Variants in SGSH observed in about 807,000 individuals in gnomAD.
SGSH encodes the protein N-sulfoglucosamine sulfohydrolase, also known as heparan sulfate sulfatase.
In SGSH, 48 loss-of-function variants were observed where a neutral mutation model predicts 51.0. The ratio of observed to expected loss-of-function variants is 0.94; its 90% CI spans 0.75 to 1.20. The LOEUF (loss-of-function observed/expected upper bound fraction) is 1.20. SGSH is among the 50% of genes most tolerant of loss of function. The pLI is 0.00. For synonymous variants in SGSH, 321 were observed against 313.4 expected (o/e 1.02, Z -0.26); for missense variants, 662 against 717.8 (o/e 0.92, Z 0.89).
At chr17:80,203,798 C>G (rs1207530704), downstream of SGSH, 2 of 1,553,454 alleles carry the variant, frequency 1.3e-6, no homozygotes, top group Non-Finnish European at 1.7e-6. The surrounding 1 kb of genome is among the most constrained non-coding windows in gnomAD (Gnocchi z 4.6). Context: ...GCAGCTGGGT[C>G]AGGGCCTCTG....
intron 2 of SGSH, chr17:80,216,654 G>A: frequency 3.7e-6 from 1 of 270,176 alleles, no homozygotes; most frequent in South Asian, 6.0e-5. Context: ...CTGGGACACT[G>A]TGGCCATGGC....
At position 80,209,553 on chromosome 17, in the gene SGSH, G is replaced by T; in HGVS notation, c.*899C>A. 1.0e-6 allele frequency: 1 copy of T among 985,220 alleles called. No individual in the cohort carries two copies. The highest frequency in any genetic ancestry group is 1.7e-5 in the African/African-American group (1 of 57,180). The allele number at this position is 985,220 out of a possible 1,614,324, so 61.0% of individuals were successfully genotyped here. ...ATCCAAGAATTAACCCAAGCCAGAG[G>T]ACGGGCATCGCCACCCAGCAACGCC... is the stretch of plus-strand genomic sequence containing the variant. On this transcript the variant is annotated 3_prime_UTR_variant, in exon 8 of 8. Coordinates refer to ENST00000326317, the MANE Select transcript of SGSH (RefSeq NM_000199.5).
downstream of SGSH, chr17:80,205,189 T>G: frequency 6.2e-7 from 1 of 1,613,032 alleles, no homozygotes; most frequent in East Asian, 2.2e-5. Context: ...TCCAAGGGTT[T>G]AAGAAGTGCC....
At chr17:80,214,817 C>G (rs776608967) in intron 3 of SGSH, 52 bp from the exon 4 acceptor site, 23 of 1,594,374 alleles carry the variant, frequency 1.4e-5, no homozygotes, top group Non-Finnish European at 1.9e-5. Flanking sequence ...CCAACCCTTT[C>G]TGCTCCCTTC....
chr17:80,203,865 C>T (rs2041125003), downstream of SGSH: 2 of 1,596,868 alleles, frequency 1.3e-6, no homozygotes, highest in East Asian at 2.3e-5. The surrounding 1 kb of genome is among the most constrained non-coding windows in gnomAD (Gnocchi z 4.6). Context: ...CATGACTCAG[C>T]AGTGCACCGT....
At chr17:80,214,834 C>A in intron 3 of SGSH, 69 bp from the exon 4 acceptor site, 1 of 1,564,086 alleles carries the variant, frequency 6.4e-7, no homozygotes, top group Non-Finnish European at 8.7e-7. Flanking sequence ...CTTCTCTGCC[C>A]CTCTCGGCCC....
At chr17:80,206,304 A>T (rs999215306), downstream of SGSH, among the ~76,000 whole-genome samples, 12 of 152,212 alleles carry the variant, frequency 7.9e-5, no homozygotes, top group African/African-American at 2.9e-4. Flanking sequence ...TCTCTAAAAA[A>T]AATTAAAAAA....
Position 80,213,473 on chromosome 17 carries a change from C to A in SGSH, c.745+331G>T, listed in dbSNP as rs1430578699. ...CCATCAACCACAAAAAACTCACAGA[C>A]CTCAAGATCTCCATCTGCATATGCT... is the stretch of plus-strand genomic sequence containing the variant. On this transcript the variant is annotated intron_variant, in intron 6 of 7. Transcript: ENST00000326317. This position sits in a 1 kb window ranked among gnomAD's most constrained non-coding sequence, Gnocchi z 4.6. 1.7e-5 allele frequency: 7 copies of A among 408,758 alleles called. No individual in the cohort carries two copies. Among genetic ancestry groups the A allele is most frequent in the Non-Finnish European group, 3.1e-5 (7 of 223,894 alleles). 25.3% of individuals were successfully genotyped at this position (408,758 alleles called of 1,614,324 possible).
rs780812356 is a variant in SGSH, at chr17:80,212,214, A to T, written c.806T>A (p.Ile269Asn). ...GGGGATCCCGTTGTCGGACGTGAAGATCACCAGTGTGTCGTTCAGGACACC... is the reference window on the plus strand; with the variant it reads ...GGGGATCCCGTTGTCGGACGTGAAGTTCACCAGTGTGTCGTTCAGGACACC... ...DAGVLNDTLV[I>N]FTSDNGIPFP... The change falls in exon 7 of 8, where the codon ATC (isoleucine) becomes AAC (asparagine). Residue 269 changes from isoleucine (I) to asparagine (N), a missense_variant. By Grantham distance (149) the Ile-to-Asn change is moderately radical (BLOSUM62 -3). Transcript: ENST00000326317. This position sits in a 1 kb window ranked among gnomAD's most constrained non-coding sequence, Gnocchi z 5.9. 1 of 1,613,352 alleles carries T rather than the reference A, an allele frequency of 6.2e-7. No individual in the cohort carries two copies. Among genetic ancestry groups the T allele is most frequent in the Non-Finnish European group, 8.5e-7 (1 of 1,179,998 alleles).
intron 1 of SGSH, among the ~76,000 whole-genome samples, chr17:80,218,176 A>G (rs891398047): frequency 6.6e-6 from 1 of 152,378 alleles, no homozygotes; most frequent in Non-Finnish European, 1.5e-5. Context: ...CGGAAACCGC[A>G]TGGGGCAGAG....
chr17:80,207,129 C>T (rs1353836052), downstream of SGSH: 4 of 1,433,896 alleles, frequency 2.8e-6, no homozygotes, highest in African/African-American at 5.6e-5. Flanking sequence ...GAAGCGGCTC[C>T]TGGGCTCCCC....
chr17:80,201,261 G>A, the SGSH span: 1 of 163,166 alleles, frequency 6.1e-6, no homozygotes, highest in Non-Finnish European at 1.4e-5. This position sits in a 1 kb window ranked among gnomAD's most constrained non-coding sequence, Gnocchi z 5.0. Flanking sequence ...GAAGCCCTGG[G>A]GGGTGGGCCT....
At chr17:80,218,651 G>A (rs1012217878) in intron 1 of SGSH, among the ~76,000 whole-genome samples, 4 of 152,180 alleles carry the variant, frequency 2.6e-5, no homozygotes, top group East Asian at 1.9e-4. Flanking sequence ...GCTGTGCTCC[G>A]TACCCGCAGG....
downstream of SGSH, chr17:80,205,580 C>T (rs1350847074): frequency 1.0e-5 from 16 of 1,575,378 alleles, no homozygotes; most frequent in Admixed American, 1.8e-5. Context: ...GAGGGGACAT[C>T]ATCCAGGAGG....
rs1470656628 is a variant in SGSH at position 80,210,324 on chromosome 17, AC to A, written c.*127del. On this transcript the variant is annotated 3_prime_UTR_variant, in exon 8 of 8. Coordinates refer to ENST00000326317, the MANE Select transcript of SGSH (RefSeq NM_000199.5). ...AAGAGTGACCCCACAGGAAGGAAGA[AC>A]CCTCCTTGGATGGGAGTGTGGACGG... 14 of 1,442,500 alleles carry A rather than the reference AC, an allele frequency of 9.7e-6. No homozygotes were observed. In the East Asian group the frequency reaches 1.0e-4, roughly 10 times the overall value. 89.4% of individuals were successfully genotyped at this position (1,442,500 alleles called of 1,614,324 possible). A position where few individuals can be genotyped will look rare whatever the true frequency, so the allele number is the denominator to read the frequency against.
intron 7 of SGSH, chr17:80,211,856 G>T: frequency 1.7e-6 from 1 of 605,154 alleles, no homozygotes; most frequent in Non-Finnish European, 3.0e-6. Flanking sequence ...GAGAATCCTA[G>T]CTTAGTGCTT....
chr17:80,212,248 G>T lies in SGSH; in HGVS notation c.772C>A (p.Arg258Ser), dbSNP rs1314742501. Residue 258 changes from arginine (R) to serine (S), a missense_variant, in exon 7 of 8, where the codon CGT (arginine) becomes AGT (serine). Physicochemically the swap from Arg to Ser is moderately radical, Grantham distance 110. Transcript: ENST00000326317. The surrounding 1 kb of genome is among the most constrained non-coding windows in gnomAD (Gnocchi z 5.9). ...GTGTCGTTCAGGACACCGGCGTCAC[G>T]CAGCTCCTGGAGCACCAGTCCAACT... ...QGVGLVLQELRDAGVLNDTLV... is the reference protein window; with the variant it reads ...QGVGLVLQELSDAGVLNDTLV... 1 of 1,611,196 alleles carries T rather than the reference G, an allele frequency of 6.2e-7. No homozygotes were observed. Among genetic ancestry groups the T allele is most frequent in the Non-Finnish European group, 8.5e-7 (1 of 1,179,072 alleles).
At chr17:80,206,374 G>C (rs2041308284), downstream of SGSH, among the ~76,000 whole-genome samples, 1 of 152,258 alleles carries the variant, frequency 6.6e-6, no homozygotes, top group Non-Finnish European at 1.5e-5. Flanking sequence ...CACACTTTGG[G>C]AGGCCTAGGC....
At position 80,215,077 on chromosome 17, in the gene SGSH, A is replaced by G. The variant is rs957036202; in HGVS notation, c.311T>C (p.Val104Ala). 1 of 1,612,216 alleles carries G rather than the reference A, an allele frequency of 6.2e-7. No homozygotes were observed. Among genetic ancestry groups the G allele is most frequent in the Admixed American group, 1.7e-5 (1 of 60,010 alleles). The change falls in exon 3 of 8, where the codon GTG becomes GCG. Residue 104 changes from valine to alanine, a missense_variant. By Grantham distance (64) the Val-to-Ala change is moderately conservative. Transcript: ENST00000326317. Reference protein sequence around the residue: ...DVHHFNSFDKVRSLPLLLSQA... With the variant: ...DVHHFNSFDKARSLPLLLSQA... The stretch of plus-strand genomic sequence containing the variant: ...GCTGAGCAGCAGCGGCAGGCTCCGC[A>G]CCTTGTCGAAGGAGTTGAAGTGGTG...
Sources: allele counts gnomAD v4.1 joint callset (sites outside exome capture counted in the v4.1 genomes callset), GRCh38; gene constraint gnomAD v4.1.1; non-coding constraint Gnocchi (gnomAD v3.1); transcripts MANE v1.5; gene names NCBI Gene and HGNC (gene_info 2026-07-23, HGNC 2026-07-21).